RANBP17: variants seen among roughly 807,000 people sequenced by gnomAD.
RANBP17 encodes the protein ran-binding protein 17.
RANBP17 carries 158 observed loss-of-function variants against 141.2 expected under a neutral mutation model. The ratio of observed to expected loss-of-function variants is 1.12; its 90% CI spans 0.98 to 1.28. The LOEUF is 1.28. Ranked by LOEUF, RANBP17 falls within the 50% of genes most tolerant of loss-of-function variation. The pLI is 0.00. For synonymous variants in RANBP17, 430 were observed against 450.0 expected (o/e 0.96, Z 0.56); for missense variants, 1,438 against 1,290.7 (o/e 1.11, Z -1.75).
rs149300830 is a variant in RANBP17 at position 171,115,564 on chromosome 5, A to G, written c.1711-54566A>G. ...AAATAACTAGACTACATATCCAAAT[A>G]TTACAGTGGATGTATACCCCTTTTT... On this transcript the variant is annotated intron_variant, in intron 14 of 27. Coordinates refer to ENST00000523189, the MANE Select transcript of RANBP17 (RefSeq NM_022897.5). 1.8e-3 allele frequency among the ~76,000 whole-genome samples: 275 copies of G among 152,326 alleles called. 1 individual carries two copies. The highest frequency in any genetic ancestry group is 6.1e-3 in the African/African-American group (252 of 41,566).
At chr5:171,093,043 T>C (rs1786419970) in intron 14 of RANBP17, among the ~76,000 whole-genome samples, 1 of 152,128 alleles carries the variant, frequency 6.6e-6, no homozygotes, top group South Asian at 2.1e-4. Flanking sequence ...AGCATCTAAG[T>C]CCTCACAGCT....
At chr5:171,037,784 G>C (rs74324709) in intron 14 of RANBP17, among the ~76,000 whole-genome samples, 4,086 of 152,178 alleles carry the variant, frequency 0.027, 180 homozygotes, top group African/African-American at 0.092. Context: ...CTATGCATCT[G>C]TTTTTGTACC....
intron 22 of RANBP17, among the ~76,000 whole-genome samples, chr5:171,237,909 A>T (rs1764637299): frequency 6.6e-6 from 1 of 152,162 alleles, no homozygotes; most frequent in African/African-American, 2.4e-5. Flanking sequence ...TGTTTATACT[A>T]ATGTGAGTCT....
Position 171,242,832 on chromosome 5 carries a change from A to G in RANBP17, c.2776+12A>G, listed in dbSNP as rs1185712704. 6.2e-7 allele frequency: 1 copy of G among 1,612,602 alleles called. No homozygotes were observed. Among genetic ancestry groups the G allele is most frequent in the Non-Finnish European group, 8.5e-7 (1 of 1,178,992 alleles). ...ACTCACTACTCTTGGTAAGGATCAT[A>G]GAGGACATTGTTTCCATAGGAAAAA... On this transcript the variant is annotated intron_variant, in intron 24 of 27. Transcript: ENST00000523189.
At chr5:170,955,610 G>A (rs1235547549) in intron 13 of RANBP17, among the ~76,000 whole-genome samples, 2 of 26,982 alleles carry the variant, frequency 7.4e-5, no homozygotes, top group Non-Finnish European at 1.4e-4. Context: ...ATATATATAT[G>A]CTCAGTGTAT....
At chr5:171,182,972 A>G (rs550412472) in intron 16 of RANBP17, among the ~76,000 whole-genome samples, 195 bp from the exon 17 acceptor site, 58 of 152,356 alleles carry the variant, frequency 3.8e-4, no homozygotes, top group African/African-American at 1.3e-3. Flanking sequence ...TGTATAAGAT[A>G]GAAAAAGTAA....
chr5:171,244,320 A>G lies in RANBP17; in HGVS notation c.2776+1500A>G, dbSNP rs376508098. On this transcript the variant is annotated intron_variant, in intron 24 of 27. Coordinates refer to ENST00000523189, the MANE Select transcript of RANBP17 (RefSeq NM_022897.5). Reference sequence around the variant, plus strand: ...AGGCAGGAGAATCACTGAGGATGCAATAAGCCAAGATCGCACCACTGCACT... The same window carrying G: ...AGGCAGGAGAATCACTGAGGATGCAGTAAGCCAAGATCGCACCACTGCACT... Among the ~76,000 whole-genome samples, 200 of 152,046 alleles carry G rather than the reference A, an allele frequency of 1.3e-3. 9 individuals are homozygous for G. In the South Asian group the frequency reaches 0.04, roughly 30 times the overall value.
At chr5:170,980,654 T>C (rs1176753564) in intron 14 of RANBP17, among the ~76,000 whole-genome samples, 1 of 152,198 alleles carries the variant, frequency 6.6e-6, no homozygotes, top group East Asian at 1.9e-4. Context: ...TCAAGAATTA[T>C]AGTTGGGAAC....
rs397770503 is a variant in RANBP17, at chr5:170,961,111, C to CT, written c.1575-7131_1575-7130insT. Among the ~76,000 whole-genome samples, 48 of 25,770 alleles carry CT rather than the reference C, an allele frequency of 1.9e-3. No individual in the cohort carries two copies. In the East Asian group the frequency reaches 0.084, roughly 45 times the overall value. The allele number at this position is 25,770 out of a possible 152,430, so 16.9% of individuals were successfully genotyped here. ...CGCAACACTATGGCTTTGCCTTGTTCGTCCTAGAATATTAGGAAATAGCAT... is the reference window on the plus strand; with the variant it reads ...CGCAACACTATGGCTTTGCCTTGTTCTGTCCTAGAATATTAGGAAATAGCAT... On this transcript the variant is annotated intron_variant, in intron 13 of 27. Coordinates refer to ENST00000523189, the MANE Select transcript of RANBP17 (RefSeq NM_022897.5).
Position 171,251,632 on chromosome 5 carries a change from G to A in RANBP17, c.2776+8812G>A, listed in dbSNP as rs185349104. 1.8e-3 allele frequency among the ~76,000 whole-genome samples: 272 copies of A among 152,304 alleles called. 4 individuals are homozygous for A. Among genetic ancestry groups the A allele is most frequent in the Admixed American group, 0.016 (249 of 15,304 alleles). On this transcript the variant is annotated intron_variant, in intron 24 of 27. Transcript: ENST00000523189. ...ATATAGTAAAAGCAGTGCTAAGAAG[G>A]AAGTTTATAGGCTTGAGCGCCGGTG...
At chr5:171,159,917 CAAAAAAAAA>C (rs1175963382) in intron 14 of RANBP17, among the ~76,000 whole-genome samples, 17 of 41,514 alleles carry the variant, frequency 4.1e-4, no homozygotes, top group African/African-American at 1.3e-3. Context: ...GACTCCATCT[CAAAAAAAAA>C]AAAAAAAAAA....
rs1267615063 is a variant in RANBP17 at position 170,918,746 on chromosome 5, T to G, written c.988T>G (p.Cys330Gly). 1.9e-6 allele frequency: 3 copies of G among 1,607,808 alleles called. No homozygotes were observed. The highest frequency in any genetic ancestry group is 2.7e-5 in the African/African-American group (2 of 74,550). ...TGATCCAGGTAATTATCATGAATTT[T>G]GTCGATTTTTGGCTCGTTTAAAGAC... is the stretch of plus-strand genomic sequence containing the variant. ...LSDPGNYHEF[C>G]RFLARLKTNY... The change falls in exon 10 of 28, where the codon TGT becomes GGT. Residue 330 changes from cysteine (C) to glycine (G), a missense_variant. Coordinates refer to ENST00000523189, the MANE Select transcript of RANBP17 (RefSeq NM_022897.5).
At chr5:170,946,271 T>G (rs1030687864) in intron 12 of RANBP17, among the ~76,000 whole-genome samples, 1 of 152,076 alleles carries the variant, frequency 6.6e-6, no homozygotes, top group Non-Finnish European at 1.5e-5. Flanking sequence ...TGATAAAACA[T>G]AACAGGAAGG....
chr5:171,251,863 G>A (rs1765588425), intron 24 of RANBP17: 1 of 1,404,256 alleles, frequency 7.1e-7, no homozygotes, highest in South Asian at 1.2e-5. Flanking sequence ...TACCATGAGT[G>A]CCAATGCTTC....
chr5:170,938,980 T>C (rs1477097927), intron 12 of RANBP17, among the ~76,000 whole-genome samples: 2 of 152,150 alleles, frequency 1.3e-5, no homozygotes, highest in Admixed American at 6.6e-5. Flanking sequence ...AACAAAACTT[T>C]AGTCAAACTA....
intron 16 of RANBP17, among the ~76,000 whole-genome samples, chr5:171,176,512 C>G (rs1440102485): frequency 6.6e-6 from 1 of 152,160 alleles, no homozygotes; most frequent in Non-Finnish European, 1.5e-5. Context: ...AGACCCTGCC[C>G]TCGTGGATTT....
chr5:170,865,940 C>T (rs1767220081), intron 1 of RANBP17, among the ~76,000 whole-genome samples: 9 of 152,206 alleles, frequency 5.9e-5, no homozygotes, highest in Admixed American at 5.9e-4. Flanking sequence ...ATGTTGTGCT[C>T]CCTGCATCAA....
At chr5:171,167,229 T>C (rs1419603235) in intron 14 of RANBP17, among the ~76,000 whole-genome samples, 1 of 152,188 alleles carries the variant, frequency 6.6e-6, no homozygotes, top group Non-Finnish European at 1.5e-5. Flanking sequence ...TAGGAAAACT[T>C]CCTTGTAGGA....
intron 25 of RANBP17, among the ~76,000 whole-genome samples, chr5:171,274,149 T>TGTGTGTGTGC (rs34291143): frequency 2.9e-4 from 37 of 126,788 alleles, no homozygotes; most frequent in Admixed American, 8.6e-4. Context: ...TGTGTGTGTG[T>TGTGTGTGTGC]GCGCGCGCGC....
Sources: gnomAD v4.1 joint callset for allele counts (sites outside exome capture counted in the v4.1 genomes callset) on GRCh38, gnomAD v4.1.1 for gene constraint, MANE v1.5 for transcripts, NCBI Gene and HGNC (gene_info 2026-07-23, HGNC 2026-07-21) for gene names.